SEL1L3: variants seen among roughly 807,000 people sequenced by gnomAD.
The protein encoded by SEL1L3 is protein sel-1 homolog 3.
SEL1L3 carries 76 observed loss-of-function variants against 142.8 expected under a neutral mutation model. The observed-to-expected ratio is 0.53, with a 90% CI of 0.44 to 0.64. SEL1L3 has a LOEUF of 0.64. Ranked by LOEUF, SEL1L3 falls within the 30% of genes least tolerant of loss-of-function variation. The probability of loss-of-function intolerance (pLI) is 0.00; values close to 1 mark genes in which losing one functional copy is unlikely to be tolerated. For synonymous variants in SEL1L3, 504 were observed against 519.6 expected (o/e 0.97, Z 0.41); for missense variants, 1,262 against 1,381.7 (o/e 0.91, Z 1.37).
At chr4:25,775,456 C>T (rs1399477117) in intron 17 of SEL1L3, among the ~76,000 whole-genome samples, 2 of 152,158 alleles carry the variant, frequency 1.3e-5, no homozygotes, top group Non-Finnish European at 2.9e-5. Flanking sequence ...AATGCTGAGT[C>T]TCAGCTAATG....
chr4:25,828,306 T>A (rs1715220369), intron 6 of SEL1L3, among the ~76,000 whole-genome samples: 1 of 151,926 alleles, frequency 6.6e-6, no homozygotes, highest in African/African-American at 2.4e-5. Flanking sequence ...TTTTTTTTAA[T>A]TTTTTTTAGT....
At chr4:25,849,668 A>G (rs1344088218) in intron 1 of SEL1L3, among the ~76,000 whole-genome samples, 1 of 152,226 alleles carries the variant, frequency 6.6e-6, no homozygotes, top group East Asian at 1.9e-4. Flanking sequence ...AGAAATGATT[A>G]AAAAGGTACA....
At chr4:25,833,391 C>A (rs1275740217) in intron 4 of SEL1L3, 57 bp downstream of exon 4, 9 of 1,520,766 alleles carry the variant, frequency 5.9e-6, no homozygotes, top group Non-Finnish European at 8.1e-6. Flanking sequence ...ATATCTGTCA[C>A]TAGGCAGAGC....
At chr4:25,790,339 T>A in intron 12 of SEL1L3, 116 bp downstream of exon 12, 1 of 983,810 alleles carries the variant, frequency 1.0e-6, no homozygotes, top group South Asian at 1.3e-5. Context: ...GCAGTGTGAG[T>A]GAGAAATAAA....
downstream of SEL1L3, among the ~76,000 whole-genome samples, chr4:25,746,610 G>A (rs997585839): frequency 2.8e-5 from 4 of 143,676 alleles, no homozygotes; most frequent in South Asian, 2.2e-4. Flanking sequence ...TATCTATAGA[G>A]AGAAACAAAA....
At chr4:25,745,653 G>T (rs996017472), downstream of SEL1L3, among the ~76,000 whole-genome samples, 1 of 152,214 alleles carries the variant, frequency 6.6e-6, no homozygotes, top group Non-Finnish European at 1.5e-5. Context: ...ATTCATTAGA[G>T]GCCAGAGATG....
At chr4:25,862,600 TGTCCCCGGCCGCCCCCACCCGC>T (rs1179925519) in intron 1 of SEL1L3, 53 bp downstream of exon 1, 1 of 750,220 alleles carries the variant, frequency 1.3e-6, no homozygotes, top group African/African-American at 1.9e-5. Context: ...GCGTGGCGGG[TGTCCCCGGCCGCCCCCACCCGC>T]GTCCCCGGGG....
chr4:25,824,745 AT>A (rs1714985053), intron 6 of SEL1L3, among the ~76,000 whole-genome samples: 1 of 152,238 alleles, frequency 6.6e-6, no homozygotes, highest in African/African-American at 2.4e-5. Context: ...TAGTATATTT[AT>A]TGTAATCATA....
chr4:25,739,573 C>T, the SEL1L3 span, among the ~76,000 whole-genome samples: 2 of 151,952 alleles, frequency 1.3e-5, no homozygotes, highest in Non-Finnish European at 2.9e-5. Context: ...GGCATGGTGG[C>T]ACGCGCCTGT....
intron 1 of SEL1L3, among the ~76,000 whole-genome samples, chr4:25,856,928 A>T (rs1167891779): frequency 6.6e-6 from 1 of 152,194 alleles, no homozygotes; most frequent in African/African-American, 2.4e-5. Flanking sequence ...ACTTTAAATC[A>T]TCCACATCTT....
chr4:25,820,833 T>C (rs923027112), intron 7 of SEL1L3, among the ~76,000 whole-genome samples: 7 of 152,208 alleles, frequency 4.6e-5, no homozygotes, highest in Non-Finnish European at 7.3e-5. Flanking sequence ...CAGGCTGCAG[T>C]GCAGTCGCAC....
chr4:25,808,977 G>T lies in SEL1L3; in HGVS notation c.1565-4225C>A, dbSNP rs1332904805. ...AGTCCCATCTACTTGGGAGGGTGAG[G>T]CAGGAGAATGGCGTGAACCCGGGAG... On this transcript the variant is annotated intron_variant, in intron 9 of 23. Coordinates refer to ENST00000399878, the MANE Select transcript of SEL1L3 (RefSeq NM_015187.5). Among the ~76,000 whole-genome samples the T allele has an allele frequency of 2.7e-5, 4 of 149,030 alleles. No homozygotes were observed. In the South Asian group the frequency reaches 8.7e-4, roughly 32 times the overall value.
chr4:25,757,992 T>C (rs767944100), intron 21 of SEL1L3: 1 of 584,240 alleles, frequency 1.7e-6, no homozygotes, highest in East Asian at 2.9e-5. Flanking sequence ...AGAATCCCAG[T>C]AGAAATTTTA....
At chr4:25,744,590 G>C (rs193044148), downstream of SEL1L3, among the ~76,000 whole-genome samples, 1 of 152,308 alleles carries the variant, frequency 6.6e-6, no homozygotes, top group East Asian at 1.9e-4. Context: ...CTGACCTCAA[G>C]AGATCCAGCT....
chr4:25,793,126 G>T (rs1308072027), intron 11 of SEL1L3, among the ~76,000 whole-genome samples: 1 of 152,206 alleles, frequency 6.6e-6, no homozygotes, highest in Non-Finnish European at 1.5e-5. Flanking sequence ...GCCCAGAGAG[G>T]TTAAGTAACA....
At chr4:25,842,580 T>G (rs528694216) in intron 2 of SEL1L3, among the ~76,000 whole-genome samples, 1 of 152,202 alleles carries the variant, frequency 6.6e-6, no homozygotes, top group Non-Finnish European at 1.5e-5. Flanking sequence ...TGGGAAGCTG[T>G]GGAGTGTGTG....
Position 25,788,259 on chromosome 4 carries a change from C to A in SEL1L3, c.2182G>T (p.Ala728Ser). Residue 728 changes from alanine to serine, a missense_variant, in exon 13 of 24, where the codon GCG (alanine) becomes TCG (serine). Physicochemically the swap from Ala to Ser is moderately conservative, Grantham distance 99. Coordinates refer to ENST00000399878, the MANE Select transcript of SEL1L3 (RefSeq NM_015187.5). The surrounding 1 kb of genome is among the most constrained non-coding windows in gnomAD (Gnocchi z 5.3). ...ACAATGGCATAGTCATAGATTAACG[C>A]AGGATCCTCCGTCTCCAGGGCGCCC... ...AKGALETEDP[A>S]LIYDYAIVLF... 1 of 1,613,942 alleles carries A rather than the reference C, an allele frequency of 6.2e-7. No individual in the cohort carries two copies. Among genetic ancestry groups the A allele is most frequent in the Non-Finnish European group, 8.5e-7 (1 of 1,179,876 alleles).
the SEL1L3 span, among the ~76,000 whole-genome samples, chr4:25,715,721 T>C: frequency 6.6e-6 from 1 of 152,088 alleles, no homozygotes; most frequent in African/African-American, 2.4e-5. Context: ...TATTATGGAA[T>C]ATTATATAGC....
the SEL1L3 span, among the ~76,000 whole-genome samples, chr4:25,726,365 T>TA: frequency 6.6e-6 from 1 of 151,756 alleles, no homozygotes; most frequent in Admixed American, 6.6e-5. Context: ...CCGTCTCTAC[T>TA]AAAAATACAA....
Sources: allele counts gnomAD v4.1 joint callset (sites outside exome capture counted in the v4.1 genomes callset), GRCh38; gene constraint gnomAD v4.1.1; non-coding constraint Gnocchi (gnomAD v3.1); transcripts MANE v1.5; gene names NCBI Gene and HGNC (gene_info 2026-07-23, HGNC 2026-07-21).